Variants in XRCC4 observed in about 807,000 individuals in gnomAD.
The protein encoded by XRCC4 is X-ray repair cross complementing 4.
A neutral mutation model predicts 39.1 loss-of-function variants in XRCC4; 28 were observed. The observed-to-expected ratio is 0.72, with a 90% CI of 0.53 to 0.98. The LOEUF (loss-of-function observed/expected upper bound fraction) is 0.98. Ranked by LOEUF, XRCC4 falls within the 50% of genes least tolerant of loss-of-function variation. The pLI, the probability that XRCC4 is intolerant of heterozygous loss-of-function variation, is 0.00. For missense variants in XRCC4, 350 were observed against 376.4 expected, an observed-to-expected ratio of 0.93 and a Z score of 0.58; for synonymous variants, 123 against 126.4, an observed-to-expected ratio of 0.97 and a Z score of 0.18.
rs28360170 is a variant in XRCC4 at position 83,220,359 on chromosome 5, G to A, written c.745+15438G>A. Among the ~76,000 whole-genome samples the A allele has an allele frequency of 5.9e-3, 899 of 152,108 alleles. 12 individuals are homozygous for A. Among genetic ancestry groups the A allele is most frequent in the African/African-American group, 0.021 (862 of 41,482 alleles). ...AATATGTAGGATTCTTGTCTTTCTG[G>A]GATTGTGACTGGAATCTCTACCACA... On this transcript the variant is annotated intron_variant, in intron 6 of 7. Transcript: ENST00000396027.
intron 3 of XRCC4, among the ~76,000 whole-genome samples, chr5:83,117,921 T>C (rs1478703438): frequency 2.0e-5 from 3 of 151,708 alleles, no homozygotes; most frequent in Non-Finnish European, 4.4e-5. Context: ...CCAGCCCCAG[T>C]ATGCATTGTG....
rs1752393562 is a variant in XRCC4, at chr5:83,228,996, C to T, written c.745+24075C>T. ...GTGTTTCAACCTAATATTTATAGTT[C>T]CTGTGGTGCAGAGAAACAGGACCCA... On this transcript the variant is annotated intron_variant, in intron 6 of 7. Transcript: ENST00000396027. Among the ~76,000 whole-genome samples, 5 of 151,988 alleles carry T rather than the reference C, an allele frequency of 3.3e-5. No homozygotes were observed. The South Asian group carries it at 1.0e-3, about 31-fold the overall frequency.
intron 7 of XRCC4, among the ~76,000 whole-genome samples, chr5:83,305,807 G>C (rs554031962): frequency 1.3e-5 from 2 of 152,042 alleles, no homozygotes; most frequent in Non-Finnish European, 2.9e-5. Flanking sequence ...ATTATACAAA[G>C]TCTCAACAAT....
At chr5:83,258,953 T>G in intron 7 of XRCC4, 1 of 349,856 alleles carries the variant, frequency 2.9e-6, no homozygotes, top group Non-Finnish European at 5.2e-6. Context: ...CAAAAAATAT[T>G]GGAATCCAAC....
Position 83,192,654 on chromosome 5 carries a change from A to G in XRCC4, c.316-3116A>G, listed in dbSNP as rs190173880. On this transcript the variant is annotated intron_variant, in intron 3 of 7. Transcript: ENST00000396027. ...ATTTAATTGCTCTTAACTTCTTTAC[A>G]TAGAGAAATGCAGACATAGCTTAAA... Among the ~76,000 whole-genome samples, 157 of 152,254 alleles carry G rather than the reference A, an allele frequency of 1.0e-3. 1 individual carries two copies. The highest frequency in any genetic ancestry group is 3.7e-3 in the African/African-American group (154 of 41,544).
chr5:83,233,495 T>C (rs1165266946), intron 6 of XRCC4, among the ~76,000 whole-genome samples: 2 of 152,168 alleles, frequency 1.3e-5, no homozygotes, highest in Non-Finnish European at 2.9e-5. Context: ...GTTTGCCTTA[T>C]TGGGGGAACC....
At chr5:83,307,260 G>T (rs1160258036) in intron 7 of XRCC4, among the ~76,000 whole-genome samples, 3 of 152,126 alleles carry the variant, frequency 2.0e-5, no homozygotes, top group Non-Finnish European at 4.4e-5. Context: ...CATTGTTCCT[G>T]CCAATTGTTT....
chr5:83,159,841 A>T (rs576749159), intron 3 of XRCC4, among the ~76,000 whole-genome samples: 1 of 152,152 alleles, frequency 6.6e-6, no homozygotes, highest in South Asian at 2.1e-4. Flanking sequence ...CCTGTAGTCT[A>T]TGGACACCTG....
chr5:83,238,412 C>G (rs368732898), intron 6 of XRCC4, among the ~76,000 whole-genome samples: 10 of 152,074 alleles, frequency 6.6e-5, no homozygotes, highest in African/African-American at 1.7e-4. Flanking sequence ...AAACAATAAG[C>G]CTTCACACCC....
intron 3 of XRCC4, among the ~76,000 whole-genome samples, chr5:83,184,906 C>G (rs7708040): frequency 0.015 from 2,278 of 152,056 alleles, 75 homozygotes; most frequent in African/African-American, 0.052. Context: ...AAACCCTTCA[C>G]CAGTCATCTT....
At chr5:83,143,092 A>G (rs193235757) in intron 3 of XRCC4, among the ~76,000 whole-genome samples, 2 of 152,218 alleles carry the variant, frequency 1.3e-5, no homozygotes, top group African/African-American at 2.4e-5. Flanking sequence ...CCTTTTCCAT[A>G]CTATTTTACA....
intron 3 of XRCC4, among the ~76,000 whole-genome samples, chr5:83,111,680 G>A (rs1746452061): frequency 2.0e-5 from 3 of 152,006 alleles, no homozygotes; most frequent in African/African-American, 7.2e-5. Context: ...TATATTGTCA[G>A]ATTTAAAAAT....
chr5:83,320,114 A>G (rs1027379944), intron 7 of XRCC4, among the ~76,000 whole-genome samples: 2 of 142,750 alleles, frequency 1.4e-5, no homozygotes, highest in Non-Finnish European at 3.1e-5. Context: ...AGAACAAAAA[A>G]CCAAACACCG....
intron 7 of XRCC4, among the ~76,000 whole-genome samples, chr5:83,324,273 A>G (rs1468434133): frequency 6.6e-6 from 1 of 152,116 alleles, no homozygotes; most frequent in African/African-American, 2.4e-5. Flanking sequence ...AAGAACATGA[A>G]TGTACTGTAC....
intron 3 of XRCC4, among the ~76,000 whole-genome samples, chr5:83,111,788 G>A (rs1363620348): frequency 2.0e-5 from 3 of 152,024 alleles, no homozygotes; most frequent in African/African-American, 7.2e-5. Context: ...AAGGCAGGTG[G>A]TTTATTTATT....
intron 1 of XRCC4, among the ~76,000 whole-genome samples, chr5:83,086,966 C>A (rs1745210590): frequency 6.6e-6 from 1 of 152,052 alleles, no homozygotes. Context: ...TTTTGGCCAT[C>A]AGCTAAATAG....
chr5:83,153,637 A>G (rs1203420500), intron 3 of XRCC4, among the ~76,000 whole-genome samples: 3 of 152,172 alleles, frequency 2.0e-5, no homozygotes, highest in African/African-American at 7.2e-5. Context: ...TGATGATGAC[A>G]AAGGCTGGCA....
chr5:83,203,839 A>C (rs1200593060), intron 5 of XRCC4, 132 bp downstream of exon 5: 1 of 1,086,042 alleles, frequency 9.2e-7, no homozygotes, highest in Admixed American at 2.5e-5. Flanking sequence ...GTGGATGTTC[A>C]GGCTGTTAGA....
intron 3 of XRCC4, among the ~76,000 whole-genome samples, chr5:83,188,814 A>G (rs1055651620): frequency 2.6e-5 from 4 of 152,216 alleles, no homozygotes; most frequent in Non-Finnish European, 5.9e-5. Flanking sequence ...TTAAATAAGA[A>G]GAGGGCCAAG....
Sources: allele counts gnomAD v4.1 joint callset (sites outside exome capture counted in the v4.1 genomes callset), GRCh38; gene constraint gnomAD v4.1.1; transcripts MANE v1.5; gene names NCBI Gene and HGNC (gene_info 2026-07-23, HGNC 2026-07-21).